The following ROR2 variants were observed in gnomAD, a reference collection of about 807,000 sequenced individuals.
ROR2 encodes ROR family WNT receptor 2, also known as tyrosine-protein kinase transmembrane receptor ROR2.
A neutral mutation model predicts 74.9 loss-of-function variants in ROR2; 33 were observed. The ratio of observed to expected loss-of-function variants is 0.44; its 90% CI spans 0.33 to 0.59. The LOEUF is 0.59. ROR2 is among the 20% of genes least tolerant of loss of function. ROR2 has a pLI of 0.02. For synonymous variants in ROR2, 586 were observed against 558.7 expected (o/e 1.05, Z -0.69); for missense variants, 1,216 against 1,313.8 (o/e 0.93, Z 1.15).
At chr9:91,828,493 TAC>T in intron 1 of ROR2, among the ~76,000 whole-genome samples, 1 of 152,188 alleles carries the variant, frequency 6.6e-6, no homozygotes, top group Non-Finnish European at 1.5e-5. Flanking sequence ...GTGGGTGGAT[TAC>T]TCGAGTTCAG....
At chr9:91,823,259 A>G (rs1309904745) in intron 1 of ROR2, among the ~76,000 whole-genome samples, 1 of 152,102 alleles carries the variant, frequency 6.6e-6, no homozygotes, top group Admixed American at 6.5e-5. Flanking sequence ...AGTTTTTCTT[A>G]GAGGAGATGG....
intron 1 of ROR2, among the ~76,000 whole-genome samples, chr9:91,914,307 C>T (rs976683396): frequency 3.2e-4 from 48 of 152,286 alleles, no homozygotes; most frequent in African/African-American, 1.1e-3. Context: ...CAGGAGGCCT[C>T]AATTTAGTTC....
chr9:91,790,704 C>T (rs1826942311), intron 1 of ROR2, among the ~76,000 whole-genome samples: 1 of 152,136 alleles, frequency 6.6e-6, no homozygotes, highest in East Asian at 1.9e-4. Context: ...CAGGAGAAGG[C>T]ATTATTATCA....
chr9:91,778,384 G>A (rs796345560), intron 1 of ROR2, among the ~76,000 whole-genome samples: 13 of 152,290 alleles, frequency 8.5e-5, no homozygotes, highest in African/African-American at 2.4e-4. Flanking sequence ...ACGGTCGTGC[G>A]CCCTGCAACA....
intron 1 of ROR2, among the ~76,000 whole-genome samples, chr9:91,809,709 G>T (rs533750432): frequency 9.9e-4 from 151 of 152,324 alleles, no homozygotes; most frequent in Non-Finnish European, 1.4e-3. Flanking sequence ...GGGTACAGCC[G>T]GCAGCAAGAG....
chr9:91,867,656 C>CTCTGTGTGTGTGTGTGTGTG (rs564755026), intron 1 of ROR2, among the ~76,000 whole-genome samples: 1 of 131,288 alleles, frequency 7.6e-6, no homozygotes, highest in South Asian at 2.7e-4. Flanking sequence ...CACCCATGAG[C>CTCTGTGTGTGTGTGTGTGTG]TGTGTGTGTG....
chr9:91,733,171 G>C lies in ROR2; in HGVS notation c.888C>G (p.Asp296Glu). Residue 296 changes from aspartate to glutamate, a missense_variant, in exon 6 of 9, where the codon GAC becomes GAG. Asp to Glu is a conservative substitution (Grantham distance 45). Coordinates refer to ENST00000375708, the MANE Select transcript of ROR2 (RefSeq NM_004560.4). The surrounding 1 kb of genome is among the most constrained non-coding windows in gnomAD (Gnocchi z 5.7). Reference sequence around the variant, plus strand: ...TGCCAATGCGCATGCAGTTGGCAGCGTCGGGGCTCTCAGGCATGGGCAGCG... The same window carrying C: ...TGCCAATGCGCATGCAGTTGGCAGCCTCGGGGCTCTCAGGCATGGGCAGCG... ...CEALPMPESP[D>E]AANCMRIGIP... 1 of 1,608,122 alleles carries C rather than the reference G, an allele frequency of 6.2e-7. No individual in the cohort carries two copies. The highest frequency in any genetic ancestry group is 8.5e-7 in the Non-Finnish European group (1 of 1,178,290).
At chr9:91,939,543 C>T (rs1534534) in intron 1 of ROR2, among the ~76,000 whole-genome samples, 46,147 of 152,010 alleles carry the variant, frequency 0.3, 7,179 homozygotes, top group Non-Finnish European at 0.32. Context: ...CTGGGGCGTT[C>T]ATCTTTTTCT....
chr9:91,913,070 A>G (rs1290523920), intron 1 of ROR2, among the ~76,000 whole-genome samples: 1 of 152,126 alleles, frequency 6.6e-6, no homozygotes, highest in African/African-American at 2.4e-5. Flanking sequence ...CAGAGGTTGC[A>G]GTGAGTCGAG....
chr9:91,944,055 G>A (rs1411947034), intron 1 of ROR2, among the ~76,000 whole-genome samples: 2 of 152,110 alleles, frequency 1.3e-5, no homozygotes, highest in South Asian at 2.1e-4. Context: ...CAACGATGAC[G>A]ATACATTCTG....
At chr9:91,777,116 T>C (rs955157498) in intron 1 of ROR2, among the ~76,000 whole-genome samples, 12 of 152,236 alleles carry the variant, frequency 7.9e-5, no homozygotes, top group African/African-American at 2.9e-4. Context: ...ATTGCTAATC[T>C]GAGAAACTAA....
intron 1 of ROR2, among the ~76,000 whole-genome samples, chr9:91,904,891 C>A (rs576589906): frequency 4.1e-4 from 63 of 152,146 alleles, no homozygotes; most frequent in Admixed American, 2.3e-3. Context: ...CCAAGGTGCA[C>A]AGCTGCAGAA....
chr9:91,775,257 C>T (rs939790345), intron 2 of ROR2, among the ~76,000 whole-genome samples: 2 of 152,184 alleles, frequency 1.3e-5, no homozygotes, highest in Non-Finnish European at 2.9e-5. Flanking sequence ...GGTCTGCATC[C>T]GGGGGAAACT....
chr9:91,812,278 G>A (rs1393901074), intron 1 of ROR2, among the ~76,000 whole-genome samples: 1 of 152,164 alleles, frequency 6.6e-6, no homozygotes, highest in Non-Finnish European at 1.5e-5. Context: ...TCTCTTGGAA[G>A]TAGAGATGCA....
intron 1 of ROR2, among the ~76,000 whole-genome samples, chr9:91,803,562 T>C (rs555508398): frequency 1.3e-5 from 2 of 152,048 alleles, no homozygotes; most frequent in East Asian, 3.9e-4. Flanking sequence ...TTAAAAACCA[T>C]GCAAACTATG....
At chr9:91,879,472 AT>A (rs1354408952) in intron 1 of ROR2, among the ~76,000 whole-genome samples, 3 of 151,652 alleles carry the variant, frequency 2.0e-5, no homozygotes, top group Non-Finnish European at 4.4e-5. Context: ...ATGAAACAAA[AT>A]TCAAAAGTCA....
chr9:91,791,528 G>A (rs897513833), intron 1 of ROR2, among the ~76,000 whole-genome samples: 5 of 151,944 alleles, frequency 3.3e-5, no homozygotes, highest in African/African-American at 1.2e-4. Flanking sequence ...CTGCTAAGAG[G>A]GTCAACCCAT....
intron 5 of ROR2, among the ~76,000 whole-genome samples, chr9:91,734,622 G>C (rs1210371066): frequency 2.6e-5 from 4 of 152,216 alleles, no homozygotes; most frequent in Admixed American, 2.0e-4. Flanking sequence ...ATGGGCAGCT[G>C]TGTGGGAACA....
chr9:91,855,270 C>A (rs2119275000), intron 1 of ROR2, among the ~76,000 whole-genome samples: 1 of 152,298 alleles, frequency 6.6e-6, no homozygotes, highest in Admixed American at 6.5e-5. Context: ...TCACTCCTAG[C>A]AAGAGAGCAG....
Sources: allele counts gnomAD v4.1 joint callset (sites outside exome capture counted in the v4.1 genomes callset), GRCh38; gene constraint gnomAD v4.1.1; non-coding constraint Gnocchi (gnomAD v3.1); transcripts MANE v1.5; gene names NCBI Gene and HGNC (gene_info 2026-07-23, HGNC 2026-07-21).